Variants in KIAA1958 observed in about 807,000 individuals in gnomAD.
KIAA1958 encodes the protein uncharacterized protein KIAA1958.
Under a neutral mutation model 47.2 loss-of-function variants are expected in KIAA1958, and 14 were observed. The ratio of observed to expected loss-of-function variants is 0.30; its 90% CI spans 0.20 to 0.46. KIAA1958 has a LOEUF of 0.46. Among genes scored for constraint, KIAA1958 ranks in the 20% least tolerant of loss-of-function variants. The probability of loss-of-function intolerance (pLI) is 1.00; values close to 1 mark genes in which losing one functional copy is unlikely to be tolerated. For synonymous variants in KIAA1958, 354 were observed against 353.3 expected (o/e 1.00, Z -0.02); for missense variants, 803 against 909.2 (o/e 0.88, Z 1.50).
At chr9:112,596,053 G>A (rs1054658110) in intron 2 of KIAA1958, among the ~76,000 whole-genome samples, 6 of 152,076 alleles carry the variant, frequency 3.9e-5, no homozygotes, top group Non-Finnish European at 7.4e-5. Flanking sequence ...CCAAAGTGCT[G>A]GGATTACGGG....
chr9:112,652,926 T>C (rs1837087426), intron 3 of KIAA1958, among the ~76,000 whole-genome samples: 1 of 152,154 alleles, frequency 6.6e-6, no homozygotes, highest in Non-Finnish European at 1.5e-5. Flanking sequence ...GCCTAACCCA[T>C]GGTTACATAG....
Position 112,570,485 on chromosome 9 carries a change from C to G in KIAA1958, c.-24-3572C>G, listed in dbSNP as rs567878240. On this transcript the variant is annotated intron_variant, in intron 1 of 3. Transcript: ENST00000337530. ...TATCCATCTGAAAGTCTGCTTGTTGCTTGGCTGCTGCAGTTAAGCAATTTT... is the reference window on the plus strand; with the variant it reads ...TATCCATCTGAAAGTCTGCTTGTTGGTTGGCTGCTGCAGTTAAGCAATTTT... Among the ~76,000 whole-genome samples the G allele has an allele frequency of 1.1e-4, 16 of 152,304 alleles. No homozygotes were observed. The South Asian group carries it at 3.3e-3, about 32-fold the overall frequency.
chr9:112,516,436 C>G (rs138005469), intron 1 of KIAA1958, among the ~76,000 whole-genome samples: 1 of 152,308 alleles, frequency 6.6e-6, no homozygotes, highest in Non-Finnish European at 1.5e-5. Flanking sequence ...AACTGTAAGA[C>G]ATTGCTGATA....
At chr9:112,535,863 G>T (rs866846045) in intron 1 of KIAA1958, among the ~76,000 whole-genome samples, 1 of 151,864 alleles carries the variant, frequency 6.6e-6, no homozygotes, top group African/African-American at 2.4e-5. Flanking sequence ...TCATCTACCT[G>T]TTGGCCATTT....
chr9:112,569,597 A>G (rs1835496831), intron 1 of KIAA1958, among the ~76,000 whole-genome samples: 1 of 150,160 alleles, frequency 6.7e-6, no homozygotes, highest in Non-Finnish European at 1.5e-5. Flanking sequence ...CTTTATTGGT[A>G]ACACTTTGAA....
intron 2 of KIAA1958, among the ~76,000 whole-genome samples, chr9:112,631,399 A>G (rs1836703037): frequency 6.6e-6 from 1 of 151,958 alleles, no homozygotes. Flanking sequence ...GGTGGTGCGC[A>G]CCTGTGGTCC....
chr9:112,494,111 ATACC>A (rs1356183563), intron 1 of KIAA1958, among the ~76,000 whole-genome samples: 2 of 152,208 alleles, frequency 1.3e-5, no homozygotes, highest in African/African-American at 4.8e-5. Context: ...TCAAACTGTA[ATACC>A]AATATGATTT....
chr9:112,505,977 C>G (rs1834228357), intron 1 of KIAA1958, among the ~76,000 whole-genome samples: 1 of 152,210 alleles, frequency 6.6e-6, no homozygotes, highest in African/African-American at 2.4e-5. Flanking sequence ...TCACCAAATT[C>G]TAGCATTTGA....
chr9:112,487,151 A>AGCG, intron 1 of KIAA1958, 33 bp downstream of exon 1: 1 of 199,278 alleles, frequency 5.0e-6, no homozygotes, highest in Non-Finnish European at 1.0e-5. Context: ...GGCGGGGACG[A>AGCG]GTGCGCCGAC....
At chr9:112,620,848 G>A (rs950832252) in intron 2 of KIAA1958, among the ~76,000 whole-genome samples, 14 of 151,786 alleles carry the variant, frequency 9.2e-5, no homozygotes, top group Admixed American at 6.6e-4. Flanking sequence ...AACAAAATAC[G>A]TACTCGTAAG....
intron 1 of KIAA1958, among the ~76,000 whole-genome samples, chr9:112,563,027 G>GTCTC (rs10567261): frequency 1.4e-5 from 2 of 139,098 alleles, no homozygotes; most frequent in Non-Finnish European, 3.1e-5. Context: ...TTAACTTTCT[G>GTCTC]TCTCTCTCTC....
At chr9:112,637,669 C>T (rs1836827163) in intron 2 of KIAA1958, among the ~76,000 whole-genome samples, 1 of 152,030 alleles carries the variant, frequency 6.6e-6, no homozygotes, top group East Asian at 1.9e-4. Flanking sequence ...AGCCACTGCA[C>T]CTGGCCTTAC....
chr9:112,600,160 AT>A (rs34251370), intron 2 of KIAA1958, among the ~76,000 whole-genome samples: 1 of 152,126 alleles, frequency 6.6e-6, no homozygotes, highest in East Asian at 1.9e-4. Flanking sequence ...AGAATGCTTA[AT>A]TTCTTTTCTG....
intron 2 of KIAA1958, among the ~76,000 whole-genome samples, chr9:112,641,603 A>T (rs1009644045): frequency 6.6e-6 from 1 of 151,836 alleles, no homozygotes; most frequent in Non-Finnish European, 1.5e-5. Context: ...TTCTTATATT[A>T]TTTGTTTCAT....
rs115840366 is a variant in KIAA1958 at position 112,666,287 on chromosome 9, A to C, written c.*6218A>C. ...CTGTTCTTTTTTCCTTTATCGGGGCATATTTATTTTCTCTTTGGAGACTTA... is the reference window on the plus strand; with the variant it reads ...CTGTTCTTTTTTCCTTTATCGGGGCCTATTTATTTTCTCTTTGGAGACTTA... On this transcript the variant is annotated 3_prime_UTR_variant, in exon 4 of 4. Coordinates refer to ENST00000337530, the MANE Select transcript of KIAA1958 (RefSeq NM_133465.4). 1 of 152,226 alleles carries C rather than the reference A, an allele frequency of 6.6e-6. No homozygotes were observed. Among genetic ancestry groups the C allele is most frequent in the South Asian group, 2.1e-4 (1 of 4,820 alleles). The allele number at this position is 152,226 out of a possible 1,614,324, so 9.4% of individuals were successfully genotyped here. A position where few individuals can be genotyped will look rare whatever the true frequency, so the allele number is the denominator to read the frequency against.
intron 1 of KIAA1958, among the ~76,000 whole-genome samples, chr9:112,561,351 G>T (rs1428104345): frequency 6.6e-6 from 1 of 152,034 alleles, no homozygotes; most frequent in Admixed American, 6.6e-5. Context: ...ACCCCACCTG[G>T]CCTGTCTTTG....
chr9:112,566,695 C>T (rs1764060286), intron 1 of KIAA1958, among the ~76,000 whole-genome samples: 1 of 152,122 alleles, frequency 6.6e-6, no homozygotes, highest in African/African-American at 2.4e-5. Flanking sequence ...TGCCCTACAA[C>T]ACTTAAAAGT....
chr9:112,598,858 C>T (rs1215389494), intron 2 of KIAA1958, among the ~76,000 whole-genome samples: 1 of 152,028 alleles, frequency 6.6e-6, no homozygotes, highest in Non-Finnish European at 1.5e-5. Context: ...GGGAGGATCG[C>T]TTGATGCCAG....
chr9:112,521,435 A>G (rs1241532246), intron 1 of KIAA1958, among the ~76,000 whole-genome samples: 1 of 152,154 alleles, frequency 6.6e-6, no homozygotes, highest in African/African-American at 2.4e-5. Context: ...TTTGGTCTCA[A>G]ACTCCTGAAT....
Sources: gnomAD v4.1 joint callset for allele counts (sites outside exome capture counted in the v4.1 genomes callset) on GRCh38, gnomAD v4.1.1 for gene constraint, MANE v1.5 for transcripts, NCBI Gene and HGNC (gene_info 2026-07-23, HGNC 2026-07-21) for gene names.